RELN: variants seen among roughly 807,000 people sequenced by gnomAD.
RELN encodes reelin.
A neutral mutation model predicts 427.6 loss-of-function variants in RELN; 108 were observed. That is an observed-to-expected ratio of 0.25 (90% CI 0.22 to 0.30). The LOEUF (loss-of-function observed/expected upper bound fraction) is 0.30, where lower values mean the gene tolerates loss of function less well. RELN is among the 10% of genes least tolerant of loss of function. The pLI, the probability that RELN is intolerant of heterozygous loss-of-function variation, is 1.00. For synonymous variants in RELN, 1,524 were observed against 1,513.4 expected (o/e 1.01, Z -0.16); for missense variants, 3,715 against 4,302.8 (o/e 0.86, Z 3.82).
intron 2 of RELN, among the ~76,000 whole-genome samples, chr7:103,842,820 T>C (rs1257182749): frequency 6.6e-6 from 1 of 152,184 alleles, no homozygotes; most frequent in Non-Finnish European, 1.5e-5. Flanking sequence ...GTTCTATAAA[T>C]AGAGCCAATT....
At chr7:103,854,412 T>C (rs1793895871) in intron 2 of RELN, among the ~76,000 whole-genome samples, 1 of 152,214 alleles carries the variant, frequency 6.6e-6, no homozygotes, top group Admixed American at 6.5e-5. Flanking sequence ...CTGTCATCTC[T>C]TTGCTGGTAG....
intron 1 of RELN, among the ~76,000 whole-genome samples, chr7:103,974,604 T>C (rs910276866): frequency 2.6e-5 from 4 of 152,252 alleles, no homozygotes; most frequent in African/African-American, 7.2e-5. Context: ...TATCAATACA[T>C]GTAATTTAAT....
At chr7:103,840,331 C>T (rs760905243) in intron 2 of RELN, among the ~76,000 whole-genome samples, 8 of 152,166 alleles carry the variant, frequency 5.3e-5, no homozygotes. Context: ...AAAGAAAAAG[C>T]TAAGATTTTC....
At chr7:103,677,032 GCAT>G (rs947169175) in intron 11 of RELN, among the ~76,000 whole-genome samples, 3 of 146,216 alleles carry the variant, frequency 2.1e-5, no homozygotes, top group Non-Finnish European at 3.0e-5. Context: ...AGAAGTTAAA[GCAT>G]AATAAAAAAA....
chr7:103,944,630 C>CT (rs1796182796), intron 1 of RELN, among the ~76,000 whole-genome samples: 1 of 152,162 alleles, frequency 6.6e-6, no homozygotes, highest in Non-Finnish European at 1.5e-5. Flanking sequence ...AGTTATGCCT[C>CT]TTGTCTCTTG....
At position 103,472,455 on chromosome 7, in the gene RELN, TTAAA is replaced by T. The variant is rs1175872372; in HGVS notation, c.*353_*356del. 3.2e-6 allele frequency: 1 copy of T among 308,264 alleles called. No individual in the cohort carries two copies. The highest frequency in any genetic ancestry group is 2.2e-5 in the African/African-American group (1 of 45,970). The allele number at this position is 308,264 out of a possible 1,614,324, so 19.1% of individuals were successfully genotyped here. A position where few individuals can be genotyped will look rare whatever the true frequency, so the allele number is the denominator to read the frequency against. On this transcript the variant is annotated 3_prime_UTR_variant, in exon 65 of 65. Coordinates refer to ENST00000428762, the MANE Select transcript of RELN (RefSeq NM_005045.4). ...TTAAATAGCTTTGTGACCAAGAATG[TTAAA>T]TACTGTGCTAAATGCCATTTTAAAC...
At position 103,673,832 on chromosome 7, in the gene RELN, A is replaced by C. The variant is rs548976116; in HGVS notation, c.1289+8284T>G. ...AGAATTTTCTTTTATTGGTGTTCTA[A>C]AATTTCTCCCTGATTATCTAGGACT... On this transcript the variant is annotated intron_variant, in intron 11 of 64. Transcript: ENST00000428762. 2.6e-5 allele frequency among the ~76,000 whole-genome samples: 4 copies of C among 152,224 alleles called. No homozygotes were observed. The East Asian group carries it at 7.7e-4, about 29-fold the overall frequency.
chr7:103,549,204 A>G (rs1830361193), intron 41 of RELN, among the ~76,000 whole-genome samples: 3 of 152,106 alleles, frequency 2.0e-5, no homozygotes, highest in Non-Finnish European at 2.9e-5. Context: ...ACAGAAATTT[A>G]TTTCTCACAC....
intron 1 of RELN, among the ~76,000 whole-genome samples, chr7:103,976,882 T>A (rs1339904496): frequency 6.6e-6 from 1 of 151,376 alleles, no homozygotes; most frequent in African/African-American, 2.4e-5. Context: ...AAGACCCCTA[T>A]CTCTATAAAA....
chr7:103,964,688 G>A (rs1280026406), intron 1 of RELN, among the ~76,000 whole-genome samples: 4 of 152,218 alleles, frequency 2.6e-5, no homozygotes, highest in Non-Finnish European at 4.4e-5. Context: ...CTGACATGAA[G>A]CACTTAACTT....
rs148234736 is a variant in RELN, at chr7:103,784,523, T to G, written c.474-7896A>C. Among the ~76,000 whole-genome samples the G allele has an allele frequency of 1.0e-3, 157 of 152,232 alleles. No individual in the cohort carries two copies. In the East Asian group the frequency reaches 0.026, roughly 25 times the overall value. On this transcript the variant is annotated intron_variant, in intron 3 of 64. Transcript: ENST00000428762. ...TTGTTTAAATTTAAAATGGCTCTAT[T>G]TGGGTTTTATCAGAAATTTTCCTGG...
rs188100538 is a variant in RELN, at chr7:103,883,019, T to C, written c.337+34056A>G. Among the ~76,000 whole-genome samples the C allele has an allele frequency of 1.6e-3, 244 of 152,304 alleles. 2 individuals carry two copies. The highest frequency in any genetic ancestry group is 5.6e-3 in the African/African-American group (234 of 41,568). ...TTCAGGCCAATATCCCTGATGAATA[T>C]TGATGCAAAAATCCTCAATAAATTA... On this transcript the variant is annotated intron_variant, in intron 2 of 64. Coordinates refer to ENST00000428762, the MANE Select transcript of RELN (RefSeq NM_005045.4).
At chr7:103,619,587 T>C (rs1185477887) in intron 20 of RELN, among the ~76,000 whole-genome samples, 3 of 152,250 alleles carry the variant, frequency 2.0e-5, no homozygotes, top group Non-Finnish European at 4.4e-5. Flanking sequence ...AAGTTTATGT[T>C]AATGAGTCTT....
rs1239782093 is a variant in RELN at position 103,948,829 on chromosome 7, T to C, written c.227-31644A>G. Among the ~76,000 whole-genome samples, 3 of 151,416 alleles carry C rather than the reference T, an allele frequency of 2.0e-5. No individual in the cohort carries two copies. The East Asian group carries it at 5.8e-4, about 29-fold the overall frequency. ...AGGAATTTGAGACCAGCCTGGGCAA[T>C]GTGGTGAAATCTCATCTCTACTAAA... On this transcript the variant is annotated intron_variant, in intron 1 of 64. Transcript: ENST00000428762.
At position 103,682,221 on chromosome 7, in the gene RELN, C is replaced by T. The variant is rs759959817; in HGVS notation, c.1184G>A (p.Gly395Glu). The change falls in exon 11 of 65, where the codon GGA (glycine) becomes GAA (glutamate). Residue 395 changes from glycine (G) to glutamate (E), a missense_variant. Transcript: ENST00000428762. ...QSDGNSIYFH[G>E]NEGSEFNFAT... ...AAAATTGAACTCGCTGCCTTCATTT[C>T]CATGGAAATAAATGGAGTTCCCATC... is the stretch of plus-strand genomic sequence containing the variant. 2 of 1,613,994 alleles carry T rather than the reference C, an allele frequency of 1.2e-6. No individual in the cohort carries two copies. Among genetic ancestry groups the T allele is most frequent in the Admixed American group, 3.3e-5 (2 of 60,008 alleles).
At chr7:103,496,914 G>A in intron 55 of RELN, 146 bp from the exon 56 acceptor site, 2 of 816,470 alleles carry the variant, frequency 2.4e-6, no homozygotes, top group Non-Finnish European at 4.0e-6. Context: ...TTGATATTAG[G>A]TATTCACTAC....
At chr7:103,588,948 T>TAG (rs3056324) in intron 28 of RELN, among the ~76,000 whole-genome samples, 115,185 of 151,960 alleles carry the variant, frequency 0.76, 44,238 homozygotes, top group African/African-American at 0.87. Context: ...TAAGGACTTT[T>TAG]AGAGTTATAA....
At chr7:103,946,001 T>C (rs1796212603) in intron 1 of RELN, among the ~76,000 whole-genome samples, 1 of 152,186 alleles carries the variant, frequency 6.6e-6, no homozygotes, top group Non-Finnish European at 1.5e-5. Context: ...TAATGACACA[T>C]TTCTCAGAAT....
chr7:103,938,293 T>G (rs1584384553), intron 1 of RELN, among the ~76,000 whole-genome samples: 1 of 150,996 alleles, frequency 6.6e-6, no homozygotes, highest in African/African-American at 2.4e-5. Flanking sequence ...GCACTCCATC[T>G]CAAAAAAAGA....
Sources: allele counts gnomAD v4.1 joint callset (sites outside exome capture counted in the v4.1 genomes callset), GRCh38; gene constraint gnomAD v4.1.1; transcripts MANE v1.5; gene names NCBI Gene and HGNC (gene_info 2026-07-23, HGNC 2026-07-21).